Variants in ANKHD1 observed in about 807,000 individuals in gnomAD.
ANKHD1 encodes ankyrin repeat and KH domain containing 1.
ANKHD1 carries 31 observed loss-of-function variants against 230.5 expected under a neutral mutation model. The observed-to-expected ratio is 0.13, with a 90% CI of 0.10 to 0.18. The LOEUF (loss-of-function observed/expected upper bound fraction) is 0.18, where lower values mean the gene tolerates loss of function less well. Among genes scored for constraint, ANKHD1 ranks in the 10% least tolerant of loss-of-function variants. The pLI, the probability that ANKHD1 is intolerant of heterozygous loss-of-function variation, is 1.00. For synonymous variants in ANKHD1, 1,074 were observed against 1,117.6 expected, an observed-to-expected ratio of 0.96 and a Z score of 0.78; for missense variants, 2,256 against 3,071.3, an observed-to-expected ratio of 0.73 and a Z score of 6.27.
intron 1 of ANKHD1, among the ~76,000 whole-genome samples, chr5:140,409,325 C>G (rs1770735689): frequency 1.3e-5 from 2 of 152,086 alleles, no homozygotes; most frequent in South Asian, 4.1e-4. Context: ...GGAACTTTCA[C>G]TTAAAATATA....
intron 14 of ANKHD1, among the ~76,000 whole-genome samples, chr5:140,491,462 G>T (rs1003752252): frequency 2.6e-5 from 4 of 151,828 alleles, no homozygotes; most frequent in African/African-American, 9.7e-5. Flanking sequence ...AGCACACCCG[G>T]CGATTACCTT....
chr5:140,537,966 T>G (rs1581388475), intron 31 of ANKHD1, 120 bp from the exon 32 acceptor site: 2 of 1,422,314 alleles, frequency 1.4e-6, no homozygotes, highest in South Asian at 3.1e-5. Flanking sequence ...ATAAATACGC[T>G]TTGAGCTCTT....
At chr5:140,459,035 TG>T in intron 8 of ANKHD1, 128 bp from the exon 9 acceptor site, 1 of 277,878 alleles carries the variant, frequency 3.6e-6, no homozygotes, top group Admixed American at 7.4e-5. Flanking sequence ...TATATTGCAT[TG>T]ATGATAAATT....
rs1354689118 is a variant in ANKHD1 at position 140,507,890 on chromosome 5, A to G, written c.3657A>G (p.Gln1219=). The G allele has an allele frequency of 6.2e-7, 1 of 1,614,128 alleles. No homozygotes were observed. The highest frequency in any genetic ancestry group is 1.1e-5 in the South Asian group (1 of 91,076). The part of the protein sequence containing the change: ...LLDMGSDINA[Q]IETNRNTALT... ...ATATGGGTTCAGACATTAATGCCCA[A>G]ATAGAGACCAATCGGAACACGGCTC... The change falls in exon 20 of 34, where the codon CAA becomes CAG. Residue 1219 remains glutamine, a synonymous_variant. Transcript: ENST00000360839. This position sits in a 1 kb window ranked among gnomAD's most constrained non-coding sequence, Gnocchi z 4.1.
At chr5:140,493,370 T>C (rs1471060754) in intron 14 of ANKHD1, among the ~76,000 whole-genome samples, 2 of 152,212 alleles carry the variant, frequency 1.3e-5, no homozygotes, top group Non-Finnish European at 2.9e-5. Flanking sequence ...CGGCCACCTT[T>C]ATTTTTAAAT....
At chr5:140,440,020 A>G in intron 3 of ANKHD1, 99 bp from the exon 4 acceptor site, 8 of 1,332,918 alleles carry the variant, frequency 6.0e-6, no homozygotes, top group Non-Finnish European at 7.8e-6. Flanking sequence ...TTACTGCATT[A>G]ACATTTTTCT....
intron 26 of ANKHD1, 66 bp downstream of exon 26, chr5:140,526,509 G>A: frequency 6.6e-7 from 1 of 1,520,788 alleles, no homozygotes; most frequent in Non-Finnish European, 8.8e-7. Context: ...ACAAGAATTT[G>A]AAGTATATTA....
chr5:140,481,219 A>G (rs561455848), intron 10 of ANKHD1, among the ~76,000 whole-genome samples: 2 of 152,212 alleles, frequency 1.3e-5, no homozygotes, highest in African/African-American at 4.8e-5. Flanking sequence ...TGGACAAACA[A>G]CTTTCTAGGT....
intron 10 of ANKHD1, among the ~76,000 whole-genome samples, chr5:140,479,516 A>G (rs1268995003): frequency 6.6e-6 from 1 of 151,972 alleles, no homozygotes; most frequent in African/African-American, 2.4e-5. Flanking sequence ...ATGTATACAA[A>G]TTTGATTACC....
intron 7 of ANKHD1, among the ~76,000 whole-genome samples, chr5:140,457,177 T>C (rs1044396922): frequency 2.6e-5 from 4 of 152,160 alleles, no homozygotes; most frequent in African/African-American, 9.7e-5. Context: ...CCAGTTAGAA[T>C]GGCGATCATT....
chr5:140,494,923 A>G (rs975198926), intron 14 of ANKHD1, among the ~76,000 whole-genome samples: 4 of 152,216 alleles, frequency 2.6e-5, no homozygotes, highest in Non-Finnish European at 5.9e-5. Context: ...CCCTTGTTTT[A>G]AATGTACAAT....
rs535000630 is a variant in ANKHD1, at chr5:140,426,604, G to A, written c.307-9500G>A. Among the ~76,000 whole-genome samples, 5 of 152,074 alleles carry A rather than the reference G, an allele frequency of 3.3e-5. No homozygotes were observed. In the East Asian group the frequency reaches 9.7e-4, roughly 29 times the overall value. ...GGTCACAGGACAATAGCGGAGGGAA[G>A]GTCAGCAGATAAACAAGTGAACAAA... is the stretch of plus-strand genomic sequence containing the variant. On this transcript the variant is annotated intron_variant, in intron 1 of 33. Transcript: ENST00000360839.
chr5:140,421,782 A>G (rs980205779), intron 1 of ANKHD1, among the ~76,000 whole-genome samples: 1 of 152,136 alleles, frequency 6.6e-6, no homozygotes, highest in African/African-American at 2.4e-5. Flanking sequence ...ATATTTTGGT[A>G]CCTGTCTTAC....
At chr5:140,492,913 A>G (rs1355928773) in intron 14 of ANKHD1, among the ~76,000 whole-genome samples, 3 of 151,974 alleles carry the variant, frequency 2.0e-5, no homozygotes, top group Non-Finnish European at 4.4e-5. Context: ...TCATTCCTTC[A>G]CTGCCAATAA....
intron 14 of ANKHD1, among the ~76,000 whole-genome samples, chr5:140,496,179 A>G (rs1284676420): frequency 6.6e-6 from 1 of 152,112 alleles, no homozygotes; most frequent in African/African-American, 2.4e-5. Context: ...GTCCAATCTA[A>G]TCAGCAGAAT....
At chr5:140,488,035 C>G (rs572631249) in intron 14 of ANKHD1, among the ~76,000 whole-genome samples, 1 of 152,254 alleles carries the variant, frequency 6.6e-6, no homozygotes, top group African/African-American at 2.4e-5. Context: ...TCTGTAGTCT[C>G]TCTGATTTAA....
chr5:140,410,346 T>A (rs1027295404), intron 1 of ANKHD1, among the ~76,000 whole-genome samples: 2 of 152,014 alleles, frequency 1.3e-5, no homozygotes, highest in African/African-American at 4.8e-5. Context: ...AGGATGGAGG[T>A]GAGTTTAAGC....
chr5:140,449,877 T>C (rs772548374), intron 7 of ANKHD1, among the ~76,000 whole-genome samples: 18 of 152,134 alleles, frequency 1.2e-4, no homozygotes, highest in Non-Finnish European at 2.6e-4. Context: ...AAATAGCAAA[T>C]TGACCTCAAA....
At chr5:140,450,669 A>G (rs554110064) in intron 7 of ANKHD1, among the ~76,000 whole-genome samples, 65 of 152,210 alleles carry the variant, frequency 4.3e-4, no homozygotes, top group Non-Finnish European at 4.4e-5. Context: ...CTTCCTGAGT[A>G]CCTGAGACTA....
Sources: gnomAD v4.1 joint callset for allele counts (sites outside exome capture counted in the v4.1 genomes callset) on GRCh38, gnomAD v4.1.1 for gene constraint, Gnocchi (gnomAD v3.1) non-coding constraint, MANE v1.5 for transcripts, NCBI Gene and HGNC (gene_info 2026-07-23, HGNC 2026-07-21) for gene names.